Variants in KDM4A observed in about 807,000 individuals in gnomAD.
KDM4A encodes the protein lysine-specific demethylase 4A.
Under a neutral mutation model 127.1 loss-of-function variants are expected in KDM4A, and 23 were observed. The ratio of observed to expected loss-of-function variants is 0.18; its 90% CI spans 0.13 to 0.26. KDM4A has a LOEUF of 0.26. Ranked by LOEUF, KDM4A falls within the 10% of genes least tolerant of loss-of-function variation. The pLI, the probability that KDM4A is intolerant of heterozygous loss-of-function variation, is 1.00. For synonymous variants in KDM4A, 443 were observed against 466.5 expected, an observed-to-expected ratio of 0.95 and a Z score of 0.65; for missense variants, 890 against 1,329.1, an observed-to-expected ratio of 0.67 and a Z score of 5.14.
chr1:43,666,349 A>G lies in KDM4A; in HGVS notation c.674-103A>G. The G allele has an allele frequency of 2.3e-6, 2 of 881,416 alleles. 1 individual carries two copies. Among genetic ancestry groups the G allele is most frequent in the Middle Eastern group, 4.5e-4 (2 of 4,492 alleles). 54.6% of individuals were successfully genotyped at this position (881,416 alleles called of 1,614,324 possible). ...TCCTCAGAGGTCACATTGGTGATGC[A>G]TCCTCTTTATCATTCCGATGAGAAG... is the stretch of plus-strand genomic sequence containing the variant. On this transcript the variant is annotated intron_variant, in intron 6 of 21. Transcript: ENST00000372396.
chr1:43,656,292 T>TTTG (rs1005020537), intron 3 of KDM4A, among the ~76,000 whole-genome samples: 14 of 152,088 alleles, frequency 9.2e-5, no homozygotes, highest in African/African-American at 3.1e-4. Flanking sequence ...GATATCTTTC[T>TTTG]TTGTGTAGGC....
intron 3 of KDM4A, among the ~76,000 whole-genome samples, chr1:43,659,311 GTTTTC>G (rs776675327): frequency 6.6e-6 from 1 of 152,020 alleles, no homozygotes; most frequent in South Asian, 2.1e-4. Flanking sequence ...TTAAGGTATA[GTTTTC>G]TTTTCTTTTT....
rs1292506693 is a variant in KDM4A, at chr1:43,662,744, T to C, written c.430-150T>C. Reference sequence around the variant, plus strand: ...GGTAGCCGTGAAAGTCAATGAGGAATGCTATGGTCTTCACGTCCATAGTGT... The same window carrying C: ...GGTAGCCGTGAAAGTCAATGAGGAACGCTATGGTCTTCACGTCCATAGTGT... On this transcript the variant is annotated intron_variant, in intron 4 of 21. Coordinates refer to ENST00000372396, the MANE Select transcript of KDM4A (RefSeq NM_014663.3). The C allele has an allele frequency of 3.4e-5, 21 of 608,876 alleles. No homozygotes were observed. The East Asian group carries it at 6.0e-4, about 17-fold the overall frequency. 37.7% of individuals were successfully genotyped at this position (608,876 alleles called of 1,614,324 possible). A position where few individuals can be genotyped will look rare whatever the true frequency, so the allele number is the denominator to read the frequency against.
chr1:43,668,975 G>T, intron 9 of KDM4A, 125 bp from the exon 10 acceptor site: 1 of 883,528 alleles, frequency 1.1e-6, no homozygotes, highest in East Asian at 2.6e-5. Flanking sequence ...AGGTGTCCCT[G>T]AGTTTTGAGC....
At chr1:43,702,583 A>G (rs1035069790) in intron 19 of KDM4A, 14 of 152,100 alleles carry the variant, frequency 9.2e-5, no homozygotes, top group African/African-American at 3.4e-4. Context: ...CATTCAGCCA[A>G]TATGCTGAAT....
chr1:43,691,073 G>A (rs931153370), intron 14 of KDM4A, 24 bp downstream of exon 14: 1 of 1,612,012 alleles, frequency 6.2e-7, no homozygotes, highest in Non-Finnish European at 8.5e-7. Flanking sequence ...ACCTTTCTCT[G>A]TGTCCTGTCC....
intron 12 of KDM4A, among the ~76,000 whole-genome samples, chr1:43,685,908 G>A (rs1166025887): frequency 6.6e-6 from 1 of 152,130 alleles, no homozygotes; most frequent in Non-Finnish European, 1.5e-5. Flanking sequence ...GGAGCTTCAG[G>A]TTCTCTGGGT....
At chr1:43,700,585 C>T (rs1204276939) in intron 19 of KDM4A, among the ~76,000 whole-genome samples, 1 of 152,144 alleles carries the variant, frequency 6.6e-6, no homozygotes, top group Non-Finnish European at 1.5e-5. Flanking sequence ...GCTGGGACTA[C>T]AGGCATGCAT....
chr1:43,672,493 T>G (rs1291441575), intron 11 of KDM4A, among the ~76,000 whole-genome samples: 2 of 143,690 alleles, frequency 1.4e-5, no homozygotes, highest in South Asian at 2.2e-4. Context: ...GGCCTTTTGT[T>G]TTTTTTTCTT....
At chr1:43,676,395 C>T (rs1346412311) in intron 11 of KDM4A, among the ~76,000 whole-genome samples, 1 of 152,152 alleles carries the variant, frequency 6.6e-6, no homozygotes, top group Admixed American at 6.5e-5. Flanking sequence ...GATCTCGGCT[C>T]ACTGCAACCT....
At chr1:43,703,903 GT>G in intron 20 of KDM4A, 116 bp from the exon 21 acceptor site, 1 of 1,302,618 alleles carries the variant, frequency 7.7e-7, no homozygotes, top group Non-Finnish European at 1.1e-6. Context: ...AAGTAAGGTA[GT>G]TGTTATTTTA....
In KDM4A at chr1:43,690,717, C is replaced by T; in HGVS notation, c.2038-128C>T. 4.7e-6 allele frequency: 4 copies of T among 858,666 alleles called. No homozygotes were observed. In the South Asian group the frequency reaches 5.6e-5, roughly 12 times the overall value. The allele number at this position is 858,666 out of a possible 1,614,324, so 53.2% of individuals were successfully genotyped here. On this transcript the variant is annotated intron_variant, in intron 13 of 21. Transcript: ENST00000372396. ...TCAATTAGCAGCTCCGGGATAATGG[C>T]TGTGCACCCGGGAGCTGTAGCCATA...
chr1:43,683,909 G>T, intron 12 of KDM4A, 105 bp downstream of exon 12: 2 of 1,253,868 alleles, frequency 1.6e-6, no homozygotes, highest in Non-Finnish European at 2.2e-6. Flanking sequence ...TGGGCCTGTG[G>T]CTTAGCTGCT....
intron 4 of KDM4A, among the ~76,000 whole-genome samples, chr1:43,661,608 CAAAAAA>C (rs34131801): frequency 3.2e-4 from 13 of 40,852 alleles, no homozygotes; most frequent in African/African-American, 1.1e-3. Flanking sequence ...GACTCTGTCT[CAAAAAA>C]AAAAAAAAAA....
At position 43,693,347 on chromosome 1, in the gene KDM4A, A is replaced by C. The variant is rs968683817; in HGVS notation, c.2376-647A>C. On this transcript the variant is annotated intron_variant, in intron 16 of 21. Transcript: ENST00000372396. The surrounding 1 kb of genome is among the most constrained non-coding windows in gnomAD (Gnocchi z 4.2). ...TGTCTGGTGTAGGTTTTCACGTAGC[A>C]TGGTTTTAAGAGTTGTCACCATTTT... Among the ~76,000 whole-genome samples, 3 of 152,242 alleles carry C rather than the reference A, an allele frequency of 2.0e-5. No homozygotes were observed. The highest frequency in any genetic ancestry group is 7.2e-5 in the African/African-American group (3 of 41,466).
chr1:43,692,172 GC>G (rs1661133091), intron 15 of KDM4A, 83 bp from the exon 16 acceptor site: 2 of 1,208,260 alleles, frequency 1.7e-6, no homozygotes, highest in African/African-American at 1.5e-5. Flanking sequence ...TGGAGGAGTT[GC>G]CCAAAGCAGG....
intron 5 of KDM4A, among the ~76,000 whole-genome samples, chr1:43,663,875 C>G (rs902582031): frequency 1.1e-4 from 16 of 152,064 alleles, no homozygotes; most frequent in African/African-American, 3.6e-4. Context: ...CTCAAGCAGT[C>G]CTCCTACTTC....
intron 3 of KDM4A, among the ~76,000 whole-genome samples, chr1:43,657,165 G>A (rs1219495997): frequency 6.6e-6 from 1 of 152,058 alleles, no homozygotes; most frequent in African/African-American, 2.4e-5. Context: ...TGGGATTATA[G>A]GCATGAGCCA....
chr1:43,703,700 C>T lies in KDM4A; in HGVS notation c.2925C>T (p.Ala975=). The T allele has an allele frequency of 6.2e-7, 1 of 1,614,134 alleles. No individual in the cohort carries two copies. ...GGACAGACGGCCAAGTCTATGGAGCCAAGTTTGTGGCCTCCCACCCTATCC... is the reference window on the plus strand; with the variant it reads ...GGACAGACGGCCAAGTCTATGGAGCTAAGTTTGTGGCCTCCCACCCTATCC... ...VRWTDGQVYG[A]KFVASHPIQM... is the part of the protein sequence containing the mutation. Residue 975 remains alanine (A), a synonymous_variant, in exon 20 of 22, where the codon GCC becomes GCT. Coordinates refer to ENST00000372396, the MANE Select transcript of KDM4A (RefSeq NM_014663.3).
Sources: gnomAD v4.1 joint callset for allele counts (sites outside exome capture counted in the v4.1 genomes callset) on GRCh38, gnomAD v4.1.1 for gene constraint, Gnocchi (gnomAD v3.1) non-coding constraint, MANE v1.5 for transcripts, NCBI Gene and HGNC (gene_info 2026-07-23, HGNC 2026-07-21) for gene names.